OGDH: variants seen among roughly 807,000 people sequenced by gnomAD.
OGDH encodes 2-oxoglutarate dehydrogenase complex component E1.
In OGDH, 38 loss-of-function variants were observed where a neutral mutation model predicts 116.6. The observed-to-expected ratio is 0.33, with a 90% CI of 0.25 to 0.43. The LOEUF is 0.43. Ranked by LOEUF, OGDH falls within the 20% of genes least tolerant of loss-of-function variation. The probability of loss-of-function intolerance (pLI) is 1.00; values close to 1 mark genes in which losing one functional copy is unlikely to be tolerated. For missense variants in OGDH, 825 were observed against 1,357.2 expected, an observed-to-expected ratio of 0.61 and a Z score of 6.16; for synonymous variants, 488 against 533.3, an observed-to-expected ratio of 0.92 and a Z score of 1.17.
At chr7:44,639,867 G>A (rs1046905554) in intron 2 of OGDH, among the ~76,000 whole-genome samples, 1 of 152,328 alleles carries the variant, frequency 6.6e-6, no homozygotes, top group Non-Finnish European at 1.5e-5. Flanking sequence ...TTTCCTTCCC[G>A]GGGATTCCCA....
rs1037295168 is a variant in OGDH at position 44,629,575 on chromosome 7, C to CTTTT, written c.222+5011_222+5014dup. On this transcript the variant is annotated intron_variant, in intron 2 of 22. Coordinates refer to ENST00000222673, the MANE Select transcript of OGDH (RefSeq NM_002541.4). Reference sequence around the variant, plus strand: ...TTTCTTTTCTTTCCTTTTTCTTTTTCTTTTCTTTTTTTTTTTTTTTTTTGA... The same window carrying CTTTT: ...TTTCTTTTCTTTCCTTTTTCTTTTTCTTTTTTTTCTTTTTTTTTTTTTTTTTTGA... Among the ~76,000 whole-genome samples the CTTTT allele has an allele frequency of 2.8e-4, 37 of 134,418 alleles. 1 individual carries two copies. Among genetic ancestry groups the CTTTT allele is most frequent in the African/African-American group, 7.5e-4 (27 of 36,070 alleles). The allele number at this position is 134,418 out of a possible 152,430, so 88.2% of individuals were successfully genotyped here.
intron 3 of OGDH, 43 bp from the exon 4 acceptor site, chr7:44,647,613 TC>T: frequency 6.3e-7 from 1 of 1,590,780 alleles, no homozygotes; most frequent in Non-Finnish European, 8.6e-7. Flanking sequence ...TTTTCTTCTG[TC>T]CTTTTGTGTG....
At chr7:44,609,240 T>G (rs1784469707) in intron 1 of OGDH, among the ~76,000 whole-genome samples, 1 of 150,870 alleles carries the variant, frequency 6.6e-6, no homozygotes, top group Non-Finnish European at 1.5e-5. Flanking sequence ...GCGCAGTGGC[T>G]TACGCCTGTA....
Position 44,697,883 on chromosome 7 carries a change from C to T in OGDH, c.2358+101C>T. 1 of 1,358,166 alleles carries T rather than the reference C, an allele frequency of 7.4e-7. No individual in the cohort carries two copies. Among genetic ancestry groups the T allele is most frequent in the Non-Finnish European group, 9.9e-7 (1 of 1,009,946 alleles). The allele number at this position is 1,358,166 out of a possible 1,614,324, so 84.1% of individuals were successfully genotyped here. The stretch of plus-strand genomic sequence containing the variant: ...CACGAGAGCCAGTGGCTCACACCAG[C>T]CTCCTAAGGACTCTGCTGGTGCTTC... On this transcript the variant is annotated intron_variant, in intron 17 of 22. Coordinates refer to ENST00000222673, the MANE Select transcript of OGDH (RefSeq NM_002541.4). This position sits in a 1 kb window ranked among gnomAD's most constrained non-coding sequence, Gnocchi z 6.0.
At chr7:44,610,385 C>T (rs1784516303) in intron 1 of OGDH, among the ~76,000 whole-genome samples, 2 of 149,844 alleles carry the variant, frequency 1.3e-5, no homozygotes, top group African/African-American at 2.5e-5. Context: ...ATCTCTACAA[C>T]CTCTGCCTCC....
chr7:44,674,020 G>T (rs1787582306), intron 6 of OGDH, 79 bp downstream of exon 6: 4 of 1,560,616 alleles, frequency 2.6e-6, no homozygotes, highest in Non-Finnish European at 3.5e-6. Flanking sequence ...GGGCCTGTGT[G>T]CAGCCTGTTG....
intron 2 of OGDH, among the ~76,000 whole-genome samples, chr7:44,638,360 C>G (rs951175477): frequency 1.3e-5 from 2 of 152,288 alleles, no homozygotes; most frequent in Non-Finnish European, 1.5e-5. Context: ...ATAAAGAAAC[C>G]AAAGTCTGAC....
chr7:44,694,082 A>G lies in OGDH; in HGVS notation c.1515+78A>G. The stretch of plus-strand genomic sequence containing the variant: ...CTTGCCCTCGGCACCCCTGTGTCCC[A>G]AGGAGAGGAGCTTGTCTAGATGAGT... On this transcript the variant is annotated intron_variant, in intron 11 of 22. Transcript: ENST00000222673. The surrounding 1 kb of genome is among the most constrained non-coding windows in gnomAD (Gnocchi z 4.2). 1 of 1,462,542 alleles carries G rather than the reference A, an allele frequency of 6.8e-7. No individual in the cohort carries two copies. 90.6% of individuals were successfully genotyped at this position (1,462,542 alleles called of 1,614,324 possible).
At chr7:44,672,832 G>A (rs1041983908) in intron 5 of OGDH, among the ~76,000 whole-genome samples, 85 of 151,940 alleles carry the variant, frequency 5.6e-4, no homozygotes, top group Middle Eastern at 3.4e-3. Flanking sequence ...TAGTAGAGAC[G>A]GGGTTTCACC....
intron 10 of OGDH, among the ~76,000 whole-genome samples, chr7:44,684,305 A>G (rs190225628): frequency 3.9e-5 from 6 of 152,296 alleles, no homozygotes; most frequent in African/African-American, 1.4e-4. Flanking sequence ...GATTTGTTAT[A>G]GTTTAGAATT....
At chr7:44,616,810 TATATACGTATATATGTGTATATATACAC>T (rs1784807546) in intron 1 of OGDH, among the ~76,000 whole-genome samples, 1 of 135,652 alleles carries the variant, frequency 7.4e-6, no homozygotes, top group Non-Finnish European at 1.5e-5. Context: ...TATATATGCA[TATATACGTATATATGTGTATATATACAC>T]ATATACGTGT....
chr7:44,698,458 G>C (rs2116372964), intron 18 of OGDH, among the ~76,000 whole-genome samples, 195 bp downstream of exon 18: 1 of 152,256 alleles, frequency 6.6e-6, no homozygotes, highest in South Asian at 2.1e-4. Context: ...CTTCCTCAGA[G>C]CACAGAGGAA....
Position 44,675,564 on chromosome 7 carries a change from G to A in OGDH, c.1026+296G>A, listed in dbSNP as rs561121728. Among the ~76,000 whole-genome samples, 9 of 152,224 alleles carry A rather than the reference G, an allele frequency of 5.9e-5. No homozygotes were observed. The East Asian group carries it at 1.2e-3, about 20-fold the overall frequency. ...GGAAAAGGCCTCCATATCCTTCTGC[G>A]TTGGGTTCCTGGGAGTAGAAATCCC... On this transcript the variant is annotated intron_variant, in intron 8 of 22. Transcript: ENST00000222673.
At chr7:44,632,235 T>C (rs1241458049) in intron 2 of OGDH, among the ~76,000 whole-genome samples, 2 of 152,070 alleles carry the variant, frequency 1.3e-5, no homozygotes, top group African/African-American at 4.8e-5. Context: ...ACAGCAGGCA[T>C]ACGAGGTCAC....
intron 10 of OGDH, among the ~76,000 whole-genome samples, chr7:44,682,924 G>T (rs773261752): frequency 6.6e-6 from 1 of 151,916 alleles, no homozygotes; most frequent in Non-Finnish European, 1.5e-5. Flanking sequence ...CGAGGCAGAC[G>T]GATCATGAGG....
intron 10 of OGDH, among the ~76,000 whole-genome samples, chr7:44,685,043 C>G (rs1788071485): frequency 6.6e-6 from 1 of 152,164 alleles, no homozygotes. Flanking sequence ...GCTTCAGCCT[C>G]CTAAAGTGCT....
intron 4 of OGDH, among the ~76,000 whole-genome samples, chr7:44,652,596 T>A (rs1243497782): frequency 6.6e-6 from 1 of 152,114 alleles, no homozygotes; most frequent in Non-Finnish European, 1.5e-5. Context: ...AGACAGGGTC[T>A]TATTATGTTG....
At chr7:44,700,392 GA>G in intron 19 of OGDH, 123 bp downstream of exon 19, 1 of 1,259,426 alleles carries the variant, frequency 7.9e-7, no homozygotes, top group East Asian at 2.4e-5. Context: ...GGGTAGTGTG[GA>G]CAGGACATGG....
At chr7:44,703,382 T>G (rs1055334741) in intron 20 of OGDH, among the ~76,000 whole-genome samples, 2 of 151,406 alleles carry the variant, frequency 1.3e-5, no homozygotes, top group Admixed American at 6.6e-5. Context: ...CACTACAGCC[T>G]GGGCAACAGA....
Sources: allele counts gnomAD v4.1 joint callset (sites outside exome capture counted in the v4.1 genomes callset), GRCh38; gene constraint gnomAD v4.1.1; non-coding constraint Gnocchi (gnomAD v3.1); transcripts MANE v1.5; gene names NCBI Gene and HGNC (gene_info 2026-07-23, HGNC 2026-07-21).